LAMC1: variants seen among roughly 807,000 people sequenced by gnomAD.
LAMC1 encodes laminin subunit gamma 1.
A neutral mutation model predicts 173.6 loss-of-function variants in LAMC1; 38 were observed. That is an observed-to-expected ratio of 0.22 (90% CI 0.17 to 0.29). The LOEUF (loss-of-function observed/expected upper bound fraction) is 0.29, where lower values mean the gene tolerates loss of function less well. LAMC1 is among the 10% of genes least tolerant of loss of function. LAMC1 has a pLI of 1.00. For missense variants in LAMC1, 1,824 were observed against 2,051.8 expected (o/e 0.89, Z 2.14); for synonymous variants, 746 against 749.1 (o/e 1.00, Z 0.07).
chr1:183,039,335 C>T (rs1356964163), intron 1 of LAMC1, among the ~76,000 whole-genome samples: 1 of 152,014 alleles, frequency 6.6e-6, no homozygotes, highest in Non-Finnish European at 1.5e-5. Flanking sequence ...ATGTGATTGC[C>T]CCTTCTTGGG....
At chr1:183,110,320 AT>A (rs1332233653) in intron 3 of LAMC1, among the ~76,000 whole-genome samples, 167 bp from the exon 4 acceptor site, 4 of 151,968 alleles carry the variant, frequency 2.6e-5, no homozygotes, top group African/African-American at 4.8e-5. Context: ...ACCTTGTTTA[AT>A]TTTTTTTATC....
At chr1:183,139,862 G>T (rs1657056259) in intron 26 of LAMC1, among the ~76,000 whole-genome samples, 1 of 152,136 alleles carries the variant, frequency 6.6e-6, no homozygotes. Context: ...ATGAGTATGT[G>T]TGTCAGGGGG....
chr1:183,053,720 G>A (rs1654500313), intron 1 of LAMC1, among the ~76,000 whole-genome samples: 1 of 151,896 alleles, frequency 6.6e-6, no homozygotes, highest in Non-Finnish European at 1.5e-5. Flanking sequence ...CCATCTCCTG[G>A]GCTCAAACGA....
At chr1:183,063,868 G>A (rs1300285374) in intron 1 of LAMC1, among the ~76,000 whole-genome samples, 6 of 152,112 alleles carry the variant, frequency 3.9e-5, no homozygotes, top group Non-Finnish European at 7.3e-5. Context: ...GTAATACCTT[G>A]CTCATCCATC....
At chr1:183,130,688 A>G in intron 19 of LAMC1, 139 bp downstream of exon 19, 1 of 648,102 alleles carries the variant, frequency 1.5e-6, no homozygotes, top group South Asian at 1.9e-5. Context: ...ATGGGGCAGA[A>G]AAGCCACATT....
At chr1:183,108,149 A>T (rs1656038998) in intron 2 of LAMC1, 127 bp from the exon 3 acceptor site, 1 of 760,154 alleles carries the variant, frequency 1.3e-6, no homozygotes, top group Non-Finnish European at 2.1e-6. Flanking sequence ...GTATTATAAT[A>T]GATTTAGTGC....
chr1:183,052,376 C>T (rs945980565), intron 1 of LAMC1, among the ~76,000 whole-genome samples: 11 of 152,014 alleles, frequency 7.2e-5, no homozygotes, highest in Admixed American at 5.9e-4. Context: ...ACTCTGTCGC[C>T]CAGGCTGAGT....
At chr1:183,065,974 G>T (rs1036244594) in intron 1 of LAMC1, among the ~76,000 whole-genome samples, 1 of 152,140 alleles carries the variant, frequency 6.6e-6, no homozygotes, top group Non-Finnish European at 1.5e-5. Flanking sequence ...TTTAATAAGC[G>T]AGAGAATGCT....
chr1:183,075,140 T>C (rs1403090736), intron 1 of LAMC1, among the ~76,000 whole-genome samples: 2 of 151,950 alleles, frequency 1.3e-5, no homozygotes, highest in Non-Finnish European at 2.9e-5. Flanking sequence ...TTTTTTTTTT[T>C]TCGAGACAGG....
intron 1 of LAMC1, among the ~76,000 whole-genome samples, chr1:183,041,840 A>G (rs1037261764): frequency 2.0e-5 from 3 of 152,156 alleles, no homozygotes; most frequent in Non-Finnish European, 4.4e-5. Flanking sequence ...TAGGGGTTCA[A>G]AAAAGTTTGC....
At chr1:183,093,481 C>A (rs144136446) in intron 1 of LAMC1, among the ~76,000 whole-genome samples, 1 of 152,122 alleles carries the variant, frequency 6.6e-6, no homozygotes, top group Non-Finnish European at 1.5e-5. Context: ...TCCCCATTTC[C>A]CCCATTGCTA....
chr1:183,117,979 C>A, intron 10 of LAMC1, 55 bp from the exon 11 acceptor site: 1 of 1,049,226 alleles, frequency 9.5e-7, no homozygotes, highest in Non-Finnish European at 1.5e-6. Context: ...AAATATTTCC[C>A]CAACATCCAG....
intron 1 of LAMC1, among the ~76,000 whole-genome samples, chr1:183,060,287 A>G (rs1654709267): frequency 6.6e-6 from 1 of 151,638 alleles, no homozygotes; most frequent in Non-Finnish European, 1.5e-5. Flanking sequence ...GTAGTATGGC[A>G]TGCACCAATA....
intron 1 of LAMC1, among the ~76,000 whole-genome samples, chr1:183,034,383 G>T (rs960402392): frequency 6.6e-6 from 1 of 152,182 alleles, no homozygotes; most frequent in Non-Finnish European, 1.5e-5. Context: ...TGATTCTCCT[G>T]CCTCAGCCTC....
rs1657159201 is a variant in LAMC1 at position 183,143,037 on chromosome 1, C to A, written c.*247C>A. 4.6e-6 allele frequency: 2 copies of A among 436,628 alleles called. No homozygotes were observed. Among genetic ancestry groups the A allele is most frequent in the African/African-American group, 4.0e-5 (2 of 50,376 alleles). 27.0% of individuals were successfully genotyped at this position (436,628 alleles called of 1,614,324 possible). A position where few individuals can be genotyped will look rare whatever the true frequency, so the allele number is the denominator to read the frequency against. Reference sequence around the variant, plus strand: ...ACGTTGCTACCTTACCCACACTTTCCCTTCTGATTTGCGTGAGGACGTGGC... The same window carrying A: ...ACGTTGCTACCTTACCCACACTTTCACTTCTGATTTGCGTGAGGACGTGGC... On this transcript the variant is annotated 3_prime_UTR_variant, in exon 28 of 28. Coordinates refer to ENST00000258341, the MANE Select transcript of LAMC1 (RefSeq NM_002293.4).
At chr1:183,141,331 A>T (rs1657109216) in intron 27 of LAMC1, 1 of 152,168 alleles carries the variant, frequency 6.6e-6, no homozygotes, top group African/African-American at 2.4e-5. Flanking sequence ...GAAAAAGAAC[A>T]CTTAAAACTG....
At chr1:183,125,879 C>G (rs1315999849) in intron 15 of LAMC1, among the ~76,000 whole-genome samples, 3 of 152,172 alleles carry the variant, frequency 2.0e-5, no homozygotes, top group Admixed American at 2.0e-4. Flanking sequence ...AGTGTCCATA[C>G]AGTCCCAGGC....
intron 17 of LAMC1, 47 bp from the exon 18 acceptor site, chr1:183,128,547 A>G: frequency 6.5e-7 from 1 of 1,542,518 alleles, no homozygotes; most frequent in Non-Finnish European, 8.8e-7. Context: ...TTCTTCAGGA[A>G]TACTTGTGTG....
intron 13 of LAMC1, among the ~76,000 whole-genome samples, chr1:183,123,704 A>G (rs754329942): frequency 5.3e-5 from 8 of 152,054 alleles, no homozygotes; most frequent in Non-Finnish European, 1.0e-4. Flanking sequence ...ATCTGAAGTA[A>G]TCTTGTTTAT....
Sources: gnomAD v4.1 joint callset for allele counts (sites outside exome capture counted in the v4.1 genomes callset) on GRCh38, gnomAD v4.1.1 for gene constraint, MANE v1.5 for transcripts, NCBI Gene and HGNC (gene_info 2026-07-23, HGNC 2026-07-21) for gene names.